MTUS2: variants seen among roughly 807,000 people sequenced by gnomAD.
The protein encoded by MTUS2 is microtubule-associated tumor suppressor candidate 2.
MTUS2 carries 40 observed loss-of-function variants against 114.1 expected under a neutral mutation model. The observed-to-expected ratio is 0.35, with a 90% CI of 0.27 to 0.46. The LOEUF (loss-of-function observed/expected upper bound fraction) is 0.46, where lower values mean the gene tolerates loss of function less well. MTUS2 is among the 20% of genes least tolerant of loss of function. The pLI, the probability that MTUS2 is intolerant of heterozygous loss-of-function variation, is 1.00. For missense variants in MTUS2, 1,679 were observed against 1,705.4 expected, an observed-to-expected ratio of 0.98 and a Z score of 0.27; for synonymous variants, 688 against 672.0, an observed-to-expected ratio of 1.02 and a Z score of -0.37.
intron 8 of MTUS2, among the ~76,000 whole-genome samples, chr13:29,416,922 A>G (rs566995880): frequency 6.6e-6 from 1 of 152,188 alleles, no homozygotes; most frequent in South Asian, 2.1e-4. Context: ...TTTCCCAAGT[A>G]CCCAGTGGGC....
intron 2 of MTUS2, among the ~76,000 whole-genome samples, chr13:29,007,301 C>T (rs1419367193): frequency 6.6e-6 from 1 of 151,854 alleles, no homozygotes; most frequent in Non-Finnish European, 1.5e-5. Context: ...CTCTGTCTGC[C>T]CACCCCTCCC....
chr13:29,068,783 G>A (rs372668488), intron 4 of MTUS2, among the ~76,000 whole-genome samples: 1 of 152,194 alleles, frequency 6.6e-6, no homozygotes, highest in Non-Finnish European at 1.5e-5. Context: ...CAGGTAGATT[G>A]TAGAGTGTCA....
chr13:28,900,403 C>G (rs1423684711), intron 2 of MTUS2, among the ~76,000 whole-genome samples: 1 of 152,190 alleles, frequency 6.6e-6, no homozygotes, highest in Admixed American at 6.5e-5. Context: ...CAGGATCCCT[C>G]ATGTTGCCCT....
intron 5 of MTUS2, among the ~76,000 whole-genome samples, chr13:29,118,061 C>G (rs1372393222): frequency 1.3e-5 from 2 of 152,074 alleles, no homozygotes. Flanking sequence ...CCACGTCTCC[C>G]TGGTTTTTAT....
intron 5 of MTUS2, among the ~76,000 whole-genome samples, chr13:29,228,736 G>A (rs1166904406): frequency 6.6e-6 from 1 of 151,778 alleles, no homozygotes; most frequent in Non-Finnish European, 1.5e-5. Context: ...AAGCAAAAAT[G>A]AAGAGAAAGG....
Position 28,927,182 on chromosome 13 carries a change from G to T in MTUS2, c.-243+87332G>T, listed in dbSNP as rs78573355. On this transcript the variant is annotated intron_variant, in intron 2 of 15. Coordinates refer to ENST00000612955, the MANE Select transcript of MTUS2 (RefSeq NM_001033602.4). ...TGATGTAAATAGAAACATAATTTAT[G>T]AATTTTGCAGCAGCCTATGACACTT... 7.4e-3 allele frequency among the ~76,000 whole-genome samples: 1,128 copies of T among 152,264 alleles called. 18 individuals are homozygous for T. The highest frequency in any genetic ancestry group is 0.025 in the African/African-American group (1,052 of 41,548).
chr13:29,325,088 C>G (rs1323661293), intron 7 of MTUS2, among the ~76,000 whole-genome samples: 1 of 152,138 alleles, frequency 6.6e-6, no homozygotes, highest in Admixed American at 6.5e-5. Flanking sequence ...AGTCTGTCAG[C>G]AAGGAAACCA....
At chr13:29,020,954 T>C (rs1886267541) in intron 2 of MTUS2, among the ~76,000 whole-genome samples, 1 of 152,170 alleles carries the variant, frequency 6.6e-6, no homozygotes, top group South Asian at 2.1e-4. Flanking sequence ...AGACTTGTAA[T>C]TGTGTAATTT....
At chr13:28,942,109 T>C (rs898471953) in intron 2 of MTUS2, among the ~76,000 whole-genome samples, 9 of 152,152 alleles carry the variant, frequency 5.9e-5, no homozygotes, top group African/African-American at 2.2e-4. Context: ...ACAAAGATCT[T>C]ACATCTATAA....
At chr13:28,879,453 C>T (rs1436852512) in intron 2 of MTUS2, among the ~76,000 whole-genome samples, 1 of 152,070 alleles carries the variant, frequency 6.6e-6, no homozygotes, top group Non-Finnish European at 1.5e-5. Flanking sequence ...TAGGGCAGGG[C>T]CTGGTGGGGG....
At chr13:29,349,121 C>T (rs901611350) in intron 7 of MTUS2, among the ~76,000 whole-genome samples, 13 of 151,736 alleles carry the variant, frequency 8.6e-5, no homozygotes, top group Non-Finnish European at 1.8e-4. Flanking sequence ...TTACTGCCTT[C>T]TTTTGGCATT....
At position 29,024,803 on chromosome 13, in the gene MTUS2, G is replaced by A. The variant is rs1261998730; in HGVS notation, c.105G>A (p.Thr35=). 11 of 1,613,854 alleles carry A rather than the reference G, an allele frequency of 6.8e-6. No individual in the cohort carries two copies. The highest frequency in any genetic ancestry group is 2.7e-5 in the African/African-American group (2 of 74,892). The part of the protein sequence containing the change: ...NNESILSLGD[T]NANQIMLEVS... The stretch of plus-strand genomic sequence containing the variant: ...AAAGCATCTTAAGTCTGGGAGATAC[G>A]AATGCCAATCAAATCATGTTGGAGG... The change falls in exon 3 of 16, where the codon ACG becomes ACA. Residue 35 remains threonine, a synonymous_variant. Transcript: ENST00000612955.
At chr13:28,923,613 C>T (rs1881168639) in intron 2 of MTUS2, among the ~76,000 whole-genome samples, 1 of 152,202 alleles carries the variant, frequency 6.6e-6, no homozygotes, top group Non-Finnish European at 1.5e-5. Context: ...GGAAGACTGT[C>T]TGCTGACCAT....
At chr13:29,038,824 G>A (rs1887203907) in intron 4 of MTUS2, among the ~76,000 whole-genome samples, 1 of 152,256 alleles carries the variant, frequency 6.6e-6, no homozygotes, top group African/African-American at 2.4e-5. Flanking sequence ...GAACTTTCTG[G>A]TGGCTTTGTT....
chr13:28,858,826 G>A (rs945444927), intron 2 of MTUS2, among the ~76,000 whole-genome samples: 1 of 152,048 alleles, frequency 6.6e-6, no homozygotes, highest in African/African-American at 2.4e-5. Context: ...AGAGTGGGTG[G>A]GGATGAAGTT....
intron 2 of MTUS2, among the ~76,000 whole-genome samples, chr13:28,999,238 C>A (rs930902599): frequency 6.6e-6 from 1 of 152,148 alleles, no homozygotes; most frequent in African/African-American, 2.4e-5. Flanking sequence ...GCTGCCTGAT[C>A]GTTCCTCTGG....
intron 2 of MTUS2, among the ~76,000 whole-genome samples, chr13:28,852,020 C>T (rs1018167716): frequency 2.0e-5 from 3 of 152,302 alleles, no homozygotes; most frequent in South Asian, 4.2e-4. Flanking sequence ...CTATCTCCCT[C>T]CCCCTCGCTC....
intron 8 of MTUS2, among the ~76,000 whole-genome samples, chr13:29,389,270 T>C (rs1321648853): frequency 7.1e-6 from 1 of 140,808 alleles, no homozygotes; most frequent in Non-Finnish European, 1.5e-5. Context: ...TGTGTGTATA[T>C]ATGTATATAT....
chr13:29,306,993 T>A lies in MTUS2; in HGVS notation c.2807-17620T>A, dbSNP rs1593284623. On this transcript the variant is annotated intron_variant, in intron 6 of 15. Coordinates refer to ENST00000612955, the MANE Select transcript of MTUS2 (RefSeq NM_001033602.4). ...ACAGGAAGCTTGTCATCACTGGAAATCTCATCACCATCTTCCAGGAGCGAG... is the reference window on the plus strand; with the variant it reads ...ACAGGAAGCTTGTCATCACTGGAAAACTCATCACCATCTTCCAGGAGCGAG... 4 of 546,208 alleles carry A rather than the reference T, an allele frequency of 7.3e-6. No homozygotes were observed. In the East Asian group the frequency reaches 1.9e-4, roughly 26 times the overall value. 33.8% of individuals were successfully genotyped at this position (546,208 alleles called of 1,614,324 possible). A position where few individuals can be genotyped will look rare whatever the true frequency, so the allele number is the denominator to read the frequency against.
Sources: allele counts gnomAD v4.1 joint callset (sites outside exome capture counted in the v4.1 genomes callset), GRCh38; gene constraint gnomAD v4.1.1; transcripts MANE v1.5; gene names NCBI Gene and HGNC (gene_info 2026-07-23, HGNC 2026-07-21).